Variants in ATG7 observed in about 807,000 individuals in gnomAD.
ATG7 encodes the protein ubiquitin-like modifier-activating enzyme ATG7.
ATG7 carries 70 observed loss-of-function variants against 82.4 expected under a neutral mutation model. The observed-to-expected ratio is 0.85, with a 90% confidence interval of 0.70 to 1.04. ATG7 has a LOEUF of 1.04. ATG7 is among the 50% of genes least tolerant of loss of function. ATG7 has a pLI of 0.00. For synonymous variants in ATG7, 287 were observed against 313.0 expected, an observed-to-expected ratio of 0.92 and a Z score of 0.88; for missense variants, 792 against 864.3, an observed-to-expected ratio of 0.92 and a Z score of 1.05.
At chr3:11,522,121 A>G (rs1053355014) in intron 20 of ATG7, among the ~76,000 whole-genome samples, 3 of 152,154 alleles carry the variant, frequency 2.0e-5, no homozygotes, top group East Asian at 1.9e-4. Flanking sequence ...AGATCTGTCT[A>G]TCCCTAGAAC....
chr3:11,319,642 AC>A (rs1241416783), intron 9 of ATG7, among the ~76,000 whole-genome samples: 1 of 152,134 alleles, frequency 6.6e-6, no homozygotes, highest in Non-Finnish European at 1.5e-5. Flanking sequence ...CTCCTTCTGC[AC>A]CTTACAATCT....
At chr3:11,549,022 T>C (rs996149435) in intron 20 of ATG7, among the ~76,000 whole-genome samples, 2 of 151,988 alleles carry the variant, frequency 1.3e-5, no homozygotes, top group East Asian at 1.9e-4. Context: ...ACAGAACATA[T>C]TGTGAAGCAG....
rs1370417687 is a variant in ATG7, at chr3:11,317,662, G to A, written c.678+2169G>A. On this transcript the variant is annotated intron_variant, in intron 9 of 20. Transcript: ENST00000693202. Reference sequence around the variant, plus strand: ...GGCTGAAGTACAGTGGCACGATCTCGGCTCACTGCAACCTCCGCCTCCTGG... The same window carrying A: ...GGCTGAAGTACAGTGGCACGATCTCAGCTCACTGCAACCTCCGCCTCCTGG... Among the ~76,000 whole-genome samples the A allele has an allele frequency of 2.0e-5, 3 of 148,734 alleles. No individual in the cohort carries two copies. In the South Asian group the frequency reaches 6.3e-4, roughly 31 times the overall value.
chr3:11,565,015 T>C, the ATG7 span: 2 of 1,481,688 alleles, frequency 1.3e-6, no homozygotes, highest in Admixed American at 2.6e-5. This position sits in a 1 kb window ranked among gnomAD's most constrained non-coding sequence, Gnocchi z 4.1. Context: ...TTGGCAGTCT[T>C]GTTCCTGAAA....
At chr3:11,289,952 A>G (rs1944696797) in intron 3 of ATG7, among the ~76,000 whole-genome samples, 1 of 152,180 alleles carries the variant, frequency 6.6e-6, no homozygotes, top group Non-Finnish European at 1.5e-5. Flanking sequence ...CTTTGGTCGC[A>G]CATCTTCCCA....
intron 1 of ATG7, among the ~76,000 whole-genome samples, chr3:11,274,350 C>G (rs1285153386): frequency 6.6e-6 from 1 of 151,958 alleles, no homozygotes; most frequent in Non-Finnish European, 1.5e-5. Flanking sequence ...TGGCATGAAG[C>G]TATTGCGGAG....
At chr3:11,485,831 C>T (rs905926982) in intron 20 of ATG7, among the ~76,000 whole-genome samples, 11 of 152,120 alleles carry the variant, frequency 7.2e-5, no homozygotes, top group Non-Finnish European at 1.3e-4. Context: ...TTCTCAGTTT[C>T]GTCAAAGATC....
chr3:11,412,445 G>C (rs557588901), intron 19 of ATG7, among the ~76,000 whole-genome samples: 5 of 152,044 alleles, frequency 3.3e-5, no homozygotes, highest in Non-Finnish European at 7.4e-5. Flanking sequence ...TGGCACTCTT[G>C]TCAAAAATTG....
chr3:11,375,406 C>T (rs1012228842), intron 18 of ATG7, among the ~76,000 whole-genome samples: 3 of 152,216 alleles, frequency 2.0e-5, no homozygotes, highest in African/African-American at 4.8e-5. Context: ...TGGAAAGATG[C>T]TTGACATTAC....
intron 19 of ATG7, among the ~76,000 whole-genome samples, chr3:11,405,351 C>T (rs1195672314): frequency 2.0e-5 from 3 of 152,150 alleles, no homozygotes; most frequent in African/African-American, 7.2e-5. Context: ...TTCAAGGCTA[C>T]TATGGAGCTT....
At chr3:11,472,075 TTATTA>T (rs900721850) in intron 20 of ATG7, among the ~76,000 whole-genome samples, 3 of 152,146 alleles carry the variant, frequency 2.0e-5, no homozygotes, top group Non-Finnish European at 2.9e-5. Context: ...CTCTACAAAA[TTATTA>T]TATTAGTCTC....
chr3:11,556,556 C>T lies in ATG7; in HGVS notation c.*1713C>T, dbSNP rs1217766266. ...GCTATGAATGCAGATGCAGTGTTCT[C>T]ATAGAATAACTGTTCCTGCACTTTT... On this transcript the variant is annotated 3_prime_UTR_variant, in exon 21 of 21. Transcript: ENST00000693202. The T allele has an allele frequency of 1.3e-5, 2 of 152,384 alleles. No homozygotes were observed. Among genetic ancestry groups the T allele is most frequent in the Non-Finnish European group, 2.9e-5 (2 of 68,004 alleles). The allele number at this position is 152,384 out of a possible 1,614,324, so 9.4% of individuals were successfully genotyped here. A position where few individuals can be genotyped will look rare whatever the true frequency, so the allele number is the denominator to read the frequency against.
At chr3:11,429,835 C>G (rs554752561) in intron 20 of ATG7, among the ~76,000 whole-genome samples, 3 of 150,988 alleles carry the variant, frequency 2.0e-5, no homozygotes, top group African/African-American at 7.3e-5. Context: ...GTAGTCCCAG[C>G]TACTCTGGGA....
intron 20 of ATG7, among the ~76,000 whole-genome samples, chr3:11,540,640 C>CAAA (rs35654550): frequency 6.8e-6 from 1 of 146,682 alleles, no homozygotes; most frequent in African/African-American, 2.5e-5. Flanking sequence ...CACCCCATCT[C>CAAA]AAAAAAAAAA....
chr3:11,415,257 TG>T, intron 19 of ATG7, among the ~76,000 whole-genome samples: 1 of 152,332 alleles, frequency 6.6e-6, no homozygotes, highest in South Asian at 2.1e-4. Flanking sequence ...TTACCATAAA[TG>T]GAGTTTGTAG....
At chr3:11,431,341 C>T (rs974144318) in intron 20 of ATG7, among the ~76,000 whole-genome samples, 7 of 152,216 alleles carry the variant, frequency 4.6e-5, no homozygotes, top group Non-Finnish European at 8.8e-5. Context: ...GTGGAGGCTG[C>T]AGTGAGCTGA....
At chr3:11,499,358 T>C (rs1318344463) in intron 20 of ATG7, among the ~76,000 whole-genome samples, 1 of 152,194 alleles carries the variant, frequency 6.6e-6, no homozygotes, top group Non-Finnish European at 1.5e-5. Context: ...TCAGAAGGAA[T>C]GCAGATTGAA....
chr3:11,303,599 C>T (rs1483619055), intron 5 of ATG7, among the ~76,000 whole-genome samples: 1 of 150,526 alleles, frequency 6.6e-6, no homozygotes, highest in Non-Finnish European at 1.5e-5. Context: ...ACCCGGGAGG[C>T]GGAGCTTGCA....
At chr3:11,315,625 T>A in intron 9 of ATG7, 132 bp downstream of exon 9, 1 of 813,390 alleles carries the variant, frequency 1.2e-6, no homozygotes, top group Non-Finnish European at 1.8e-6. Context: ...TAAGAACATT[T>A]CCTTATCTCT....
Sources: gnomAD v4.1 joint callset for allele counts (sites outside exome capture counted in the v4.1 genomes callset) on GRCh38, gnomAD v4.1.1 for gene constraint, Gnocchi (gnomAD v3.1) non-coding constraint, MANE v1.5 for transcripts, NCBI Gene and HGNC (gene_info 2026-07-23, HGNC 2026-07-21) for gene names.